Variants in EEPD1 observed in about 807,000 individuals in gnomAD.
The protein encoded by EEPD1 is endonuclease/exonuclease/phosphatase family domain containing 1.
Under a neutral mutation model 46.3 loss-of-function variants are expected in EEPD1, and 17 were observed. That is an observed-to-expected ratio of 0.37 (90% confidence interval 0.25 to 0.55). EEPD1 has a LOEUF of 0.55. Ranked by LOEUF, EEPD1 falls within the 20% of genes least tolerant of loss-of-function variation. The probability of loss-of-function intolerance (pLI) is 0.83; values close to 1 mark genes in which losing one functional copy is unlikely to be tolerated. For synonymous variants in EEPD1, 313 were observed against 315.6 expected, an observed-to-expected ratio of 0.99 and a Z score of 0.09; for missense variants, 673 against 745.6, an observed-to-expected ratio of 0.90 and a Z score of 1.13.
rs537753520 is a variant in EEPD1 at position 36,237,162 on chromosome 7, A to G, written c.879-1823A>G. 2.6e-5 allele frequency among the ~76,000 whole-genome samples: 4 copies of G among 152,354 alleles called. 1 individual carries two copies. In the South Asian group the frequency reaches 8.3e-4, roughly 32 times the overall value. Reference sequence around the variant, plus strand: ...CAAACGTCTGCAGCTTCACTCCTCAAGTCAGCGAAACCACGAACCCACCAT... The same window carrying G: ...CAAACGTCTGCAGCTTCACTCCTCAGGTCAGCGAAACCACGAACCCACCAT... On this transcript the variant is annotated intron_variant, in intron 2 of 7. Coordinates refer to ENST00000242108, the MANE Select transcript of EEPD1 (RefSeq NM_030636.3).
intron 2 of EEPD1, among the ~76,000 whole-genome samples, chr7:36,194,983 C>T (rs901081350): frequency 6.6e-6 from 1 of 152,188 alleles, no homozygotes; most frequent in Non-Finnish European, 1.5e-5. Context: ...TTCCTAATGC[C>T]CCAGACAGAG....
At chr7:36,170,019 A>G (rs993295640) in intron 2 of EEPD1, among the ~76,000 whole-genome samples, 3 of 152,230 alleles carry the variant, frequency 2.0e-5, no homozygotes, top group African/African-American at 7.2e-5. Context: ...TCTGCAAATC[A>G]CAGGCCCTTG....
intron 5 of EEPD1, among the ~76,000 whole-genome samples, chr7:36,286,734 G>A (rs1175110139): frequency 6.6e-6 from 1 of 152,176 alleles, no homozygotes; most frequent in Admixed American, 6.5e-5. Flanking sequence ...TAGGGAGGAG[G>A]AGGAGGCACA....
At chr7:36,159,529 G>A (rs1784871278) in intron 2 of EEPD1, among the ~76,000 whole-genome samples, 1 of 152,242 alleles carries the variant, frequency 6.6e-6, no homozygotes, top group Non-Finnish European at 1.5e-5. Context: ...AGATATTGGA[G>A]TCAGGATTTG....
intron 2 of EEPD1, 81 bp from the exon 3 acceptor site, chr7:36,238,904 T>C: frequency 1.4e-6 from 2 of 1,415,984 alleles, no homozygotes; most frequent in Non-Finnish European, 1.9e-6. Flanking sequence ...TTCAGCCTTT[T>C]GTTCTTGCGA....
intron 2 of EEPD1, among the ~76,000 whole-genome samples, chr7:36,167,573 C>T (rs527573175): frequency 3.3e-5 from 5 of 152,244 alleles, no homozygotes; most frequent in African/African-American, 1.2e-4. Context: ...CACTGCCACC[C>T]CCACGCAGCA....
At chr7:36,228,331 C>G (rs1786262858) in intron 2 of EEPD1, among the ~76,000 whole-genome samples, 1 of 152,094 alleles carries the variant, frequency 6.6e-6, no homozygotes, top group Non-Finnish European at 1.5e-5. Context: ...ACTTTGAGAC[C>G]AGTCTGGCCA....
chr7:36,201,042 T>G (rs533032482), intron 2 of EEPD1, among the ~76,000 whole-genome samples: 1 of 152,300 alleles, frequency 6.6e-6, no homozygotes, highest in Admixed American at 6.5e-5. Context: ...GAGTAAAATC[T>G]TATGTCTGTG....
intron 3 of EEPD1, among the ~76,000 whole-genome samples, chr7:36,258,256 T>C (rs1009525309): frequency 1.3e-5 from 2 of 152,148 alleles, no homozygotes; most frequent in Non-Finnish European, 2.9e-5. Flanking sequence ...GTATGAGGTG[T>C]CTGTCAACCC....
rs138454426 is a variant in EEPD1 at position 36,232,405 on chromosome 7, T to G, written c.879-6580T>G. Among the ~76,000 whole-genome samples the G allele has an allele frequency of 6.3e-3, 961 of 151,774 alleles. 5 individuals are homozygous for G. The highest frequency in any genetic ancestry group is 0.022 in the African/African-American group (902 of 41,364). ...ATTTGTAGAAGAGACGGGGTTTCAC[T>G]GTGTTAGCCAGGATGGTCTTGATCT... On this transcript the variant is annotated intron_variant, in intron 2 of 7. Coordinates refer to ENST00000242108, the MANE Select transcript of EEPD1 (RefSeq NM_030636.3).
intron 3 of EEPD1, among the ~76,000 whole-genome samples, chr7:36,273,820 A>G (rs1787146920): frequency 6.6e-6 from 1 of 152,072 alleles, no homozygotes; most frequent in Non-Finnish European, 1.5e-5. Context: ...CTCTCCTTCC[A>G]CCCATAAATG....
chr7:36,215,803 T>C (rs995416766), intron 2 of EEPD1, among the ~76,000 whole-genome samples: 1 of 152,234 alleles, frequency 6.6e-6, no homozygotes, highest in Non-Finnish European at 1.5e-5. Context: ...TGGGAGACCC[T>C]GCTCCCCTTC....
In EEPD1 at chr7:36,267,251, C is replaced by T. The variant is rs998613209; in HGVS notation, c.931-13864C>T. Among the ~76,000 whole-genome samples, 5 of 152,186 alleles carry T rather than the reference C, an allele frequency of 3.3e-5. No homozygotes were observed. The East Asian group carries it at 9.6e-4, about 29-fold the overall frequency. The stretch of plus-strand genomic sequence containing the variant: ...CATGGACTTTTCAAAATTCAGATCC[C>T]CTCTTCACACCCTGCAGTGATCTTA... On this transcript the variant is annotated intron_variant, in intron 3 of 7. Coordinates refer to ENST00000242108, the MANE Select transcript of EEPD1 (RefSeq NM_030636.3).
chr7:36,220,096 C>T (rs1323661540), intron 2 of EEPD1, among the ~76,000 whole-genome samples: 1 of 152,090 alleles, frequency 6.6e-6, no homozygotes, highest in Admixed American at 6.5e-5. Flanking sequence ...GCTGTCCCCA[C>T]AGTAGATGCA....
intron 2 of EEPD1, among the ~76,000 whole-genome samples, chr7:36,221,531 G>T (rs1786145765): frequency 6.6e-6 from 1 of 152,188 alleles, no homozygotes. Flanking sequence ...GACACTGCAG[G>T]ACTGCATATA....
At position 36,284,745 on chromosome 7, in the gene EEPD1, G is replaced by A. The variant is rs757410837; in HGVS notation, c.1101G>A (p.Ala367=). Residue 367 remains alanine (A), a synonymous_variant, in exon 5 of 8, where the codon GCG becomes GCA. Transcript: ENST00000242108. ...CTGCCGGCATGGAGCTGAGAGACGC[G>A]GGTTCACAGGAGAGCTCGCCAAGCA... is the stretch of plus-strand genomic sequence containing the variant. The part of the protein sequence containing the change: ...DAAAGMELRD[A]GSQESSPSNG... The A allele has an allele frequency of 1.2e-5, 19 of 1,608,036 alleles. No individual in the cohort carries two copies. The highest frequency in any genetic ancestry group is 1.6e-4 in the Middle Eastern group (1 of 6,068).
At chr7:36,198,536 AT>A (rs70977117) in intron 2 of EEPD1, among the ~76,000 whole-genome samples, 16,636 of 151,570 alleles carry the variant, frequency 0.11, 1,201 homozygotes, top group Non-Finnish European at 0.17. Flanking sequence ...TAGAATTTTT[AT>A]TTGTCAATTA....
chr7:36,194,362 G>C (rs950774618), intron 2 of EEPD1, among the ~76,000 whole-genome samples: 1 of 152,178 alleles, frequency 6.6e-6, no homozygotes, highest in African/African-American at 2.4e-5. Context: ...CAGGATATTT[G>C]AGTTAGTGAT....
At chr7:36,220,449 A>G (rs1360198747) in intron 2 of EEPD1, among the ~76,000 whole-genome samples, 1 of 152,158 alleles carries the variant, frequency 6.6e-6, no homozygotes, top group Non-Finnish European at 1.5e-5. Context: ...AACCACGTGG[A>G]TTAAGAATAA....
Sources: allele counts gnomAD v4.1 joint callset (sites outside exome capture counted in the v4.1 genomes callset), GRCh38; gene constraint gnomAD v4.1.1; transcripts MANE v1.5; gene names NCBI Gene and HGNC (gene_info 2026-07-23, HGNC 2026-07-21).